Variants in CDK14 observed in about 807,000 individuals in gnomAD.
The protein encoded by CDK14 is cyclin-dependent kinase 14.
CDK14 carries 34 observed loss-of-function variants against 60.7 expected under a neutral mutation model. That is an observed-to-expected ratio of 0.56 (90% CI 0.43 to 0.75). CDK14 has a LOEUF of 0.75. Among genes scored for constraint, CDK14 ranks in the 30% least tolerant of loss-of-function variants. The pLI is 0.00. For missense variants in CDK14, 482 were observed against 564.1 expected, an observed-to-expected ratio of 0.85 and a Z score of 1.47; for synonymous variants, 197 against 203.7, an observed-to-expected ratio of 0.97 and a Z score of 0.28.
At chr7:91,076,276 A>AAAAAAAAAAG (rs1798312682) in intron 11 of CDK14, among the ~76,000 whole-genome samples, 1 of 98,494 alleles carries the variant, frequency 1.0e-5, no homozygotes, top group African/African-American at 3.8e-5. Flanking sequence ...AAAAAAAAAA[A>AAAAAAAAAAG]TCATGGTACT....
intron 2 of CDK14, among the ~76,000 whole-genome samples, chr7:90,708,501 A>G (rs376717856): frequency 1.6e-4 from 25 of 152,324 alleles, no homozygotes; most frequent in African/African-American, 5.5e-4. Context: ...TTGTATTTGA[A>G]CAATAACTTT....
chr7:91,151,381 A>C (rs1330076556), intron 14 of CDK14, among the ~76,000 whole-genome samples: 1 of 152,216 alleles, frequency 6.6e-6, no homozygotes, highest in Non-Finnish European at 1.5e-5. Flanking sequence ...CCAGACAACT[A>C]TGAATTTAAT....
intron 2 of CDK14, among the ~76,000 whole-genome samples, chr7:90,650,340 T>C (rs1800604249): frequency 6.6e-6 from 1 of 152,258 alleles, no homozygotes; most frequent in Non-Finnish European, 1.5e-5. Flanking sequence ...TTAAGTTCTT[T>C]GTAGATTCTG....
chr7:90,866,442 A>G (rs1323165781), intron 6 of CDK14, among the ~76,000 whole-genome samples: 2 of 152,002 alleles, frequency 1.3e-5, no homozygotes, highest in Non-Finnish European at 2.9e-5. Context: ...TTTGAGGGAG[A>G]TACCATTGTA....
At chr7:90,670,159 C>T (rs1445726018) in intron 2 of CDK14, among the ~76,000 whole-genome samples, 1 of 152,128 alleles carries the variant, frequency 6.6e-6, no homozygotes, top group Non-Finnish European at 1.5e-5. Flanking sequence ...GTAGGTATAG[C>T]AGGTTATATA....
intron 5 of CDK14, among the ~76,000 whole-genome samples, chr7:90,794,555 AT>A (rs1277764795): frequency 2.6e-5 from 4 of 152,074 alleles, no homozygotes; most frequent in Non-Finnish European, 5.9e-5. Context: ...TATTTCTCCT[AT>A]TTGCTTTTGA....
intron 7 of CDK14, among the ~76,000 whole-genome samples, chr7:90,909,717 C>G (rs1792829303): frequency 6.6e-6 from 1 of 152,068 alleles, no homozygotes; most frequent in African/African-American, 2.4e-5. Flanking sequence ...GTAAGCTAAG[C>G]AGTTATTTCC....
At chr7:90,829,617 C>A (rs6979611) in intron 5 of CDK14, among the ~76,000 whole-genome samples, 2 of 151,758 alleles carry the variant, frequency 1.3e-5, no homozygotes, top group Non-Finnish European at 2.9e-5. Context: ...CGGCAACCTC[C>A]GCCCCCCCAG....
chr7:90,863,126 T>A (rs1441758149), intron 5 of CDK14, 49 bp from the exon 6 acceptor site: 7 of 1,013,272 alleles, frequency 6.9e-6, no homozygotes, highest in African/African-American at 1.6e-5. Context: ...TATATATTAG[T>A]TGATTGTTAT....
At chr7:90,800,091 TC>T (rs1788580513) in intron 5 of CDK14, among the ~76,000 whole-genome samples, 1 of 152,166 alleles carries the variant, frequency 6.6e-6, no homozygotes, top group Non-Finnish European at 1.5e-5. Context: ...TTGGGTACAT[TC>T]TTTTTAATAC....
At chr7:90,659,875 C>CTCTCTCTCTG (rs1235758434) in intron 2 of CDK14, among the ~76,000 whole-genome samples, 50 of 129,044 alleles carry the variant, frequency 3.9e-4, no homozygotes, top group South Asian at 7.5e-4. Context: ...CTCTCTCTCT[C>CTCTCTCTCTG]TGTGTGTGTG....
At chr7:90,721,450 C>T (rs1563057035) in intron 2 of CDK14, among the ~76,000 whole-genome samples, 1 of 151,988 alleles carries the variant, frequency 6.6e-6, no homozygotes, top group African/African-American at 2.4e-5. Context: ...TTTATTTTTC[C>T]TTTTGATGCT....
intron 4 of CDK14, among the ~76,000 whole-genome samples, chr7:90,779,842 C>T (rs1805233438): frequency 6.6e-6 from 1 of 152,102 alleles, no homozygotes; most frequent in African/African-American, 2.4e-5. Flanking sequence ...TCCTTAATAT[C>T]AACTATACAG....
At chr7:90,633,215 T>C (rs1270243958) in intron 2 of CDK14, among the ~76,000 whole-genome samples, 2 of 152,228 alleles carry the variant, frequency 1.3e-5, no homozygotes, top group African/African-American at 4.8e-5. Flanking sequence ...TTTTGCATTT[T>C]GATTCATAGA....
chr7:90,942,111 G>C (rs550326795), intron 8 of CDK14, among the ~76,000 whole-genome samples: 26 of 152,284 alleles, frequency 1.7e-4, no homozygotes, highest in Non-Finnish European at 2.6e-4. Context: ...GAGCTTAGAG[G>C]ATCAGTCTCA....
intron 2 of CDK14, among the ~76,000 whole-genome samples, chr7:90,702,710 C>A (rs1801813725): frequency 6.6e-6 from 1 of 152,002 alleles, no homozygotes; most frequent in African/African-American, 2.4e-5. Context: ...TATTTTATTT[C>A]TTAGGTGTAT....
intron 8 of CDK14, among the ~76,000 whole-genome samples, chr7:90,928,175 C>A (rs766606639): frequency 3.3e-5 from 5 of 152,154 alleles, no homozygotes; most frequent in African/African-American, 4.8e-5. Context: ...TCCTTTAGCT[C>A]GGAGAAGTTT....
intron 5 of CDK14, among the ~76,000 whole-genome samples, chr7:90,842,910 A>T (rs1790344498): frequency 6.6e-6 from 1 of 152,114 alleles, no homozygotes; most frequent in Non-Finnish European, 1.5e-5. Context: ...TGTTGTGTGG[A>T]TCTTTCATAG....
At chr7:91,081,079 T>A (rs1166405968) in intron 12 of CDK14, among the ~76,000 whole-genome samples, 2 of 152,202 alleles carry the variant, frequency 1.3e-5, no homozygotes, top group Non-Finnish European at 2.9e-5. Context: ...CACTAAGTAA[T>A]AAAATCATTA....
Sources: allele counts gnomAD v4.1 joint callset (sites outside exome capture counted in the v4.1 genomes callset), GRCh38; gene constraint gnomAD v4.1.1; transcripts MANE v1.5; gene names NCBI Gene and HGNC (gene_info 2026-07-23, HGNC 2026-07-21).